EIF2D: variants seen among roughly 807,000 people sequenced by gnomAD.
The protein encoded by EIF2D is hepatocellular carcinoma-associated antigen 56.
Under a neutral mutation model 77.4 loss-of-function variants are expected in EIF2D, and 56 were observed. The ratio of observed to expected loss-of-function variants is 0.72; its 90% CI spans 0.58 to 0.90. The LOEUF is 0.90. Among genes scored for constraint, EIF2D ranks in the 40% least tolerant of loss-of-function variants. The pLI is 0.00. For synonymous variants in EIF2D, 230 were observed against 271.0 expected (o/e 0.85, Z 1.49); for missense variants, 574 against 706.5 (o/e 0.81, Z 2.13).
chr1:206,596,500 G>A (rs534303960), intron 12 of EIF2D, among the ~76,000 whole-genome samples: 2 of 152,224 alleles, frequency 1.3e-5, no homozygotes, highest in African/African-American at 2.4e-5. Context: ...GGCCAGATTT[G>A]ACCCATGGGC....
chr1:206,589,521 C>CTGAT (rs1428629604), downstream of EIF2D: 2 of 152,168 alleles, frequency 1.3e-5, no homozygotes, highest in Non-Finnish European at 2.9e-5. Context: ...GTCAAGGAGA[C>CTGAT]TGATTGCAGG....
At position 206,599,883 on chromosome 1, in the gene EIF2D, A is replaced by G; in HGVS notation, c.949-47T>C. Reference sequence around the variant, plus strand: ...GTAGGGGACTTCATTGATTCCACACACATACTGAGCACCCAGGATGTGCCA... The same window carrying G: ...GTAGGGGACTTCATTGATTCCACACGCATACTGAGCACCCAGGATGTGCCA... On this transcript the variant is annotated intron_variant, in intron 8 of 14. Coordinates refer to ENST00000271764, the MANE Select transcript of EIF2D (RefSeq NM_006893.3). This position sits in a 1 kb window ranked among gnomAD's most constrained non-coding sequence, Gnocchi z 4.1. The G allele has an allele frequency of 6.4e-7, 1 of 1,562,814 alleles. No individual in the cohort carries two copies. Among genetic ancestry groups the G allele is most frequent in the Non-Finnish European group, 8.8e-7 (1 of 1,135,864 alleles).
intron 5 of EIF2D, among the ~76,000 whole-genome samples, chr1:206,572,269 A>G (rs1428126310): frequency 6.6e-6 from 1 of 152,100 alleles, no homozygotes; most frequent in Non-Finnish European, 1.5e-5. Flanking sequence ...CTGTTCTGGG[A>G]GCCGCCTCAG....
rs781901433 is a variant in EIF2D, at chr1:206,611,252, G to A, written c.179C>T (p.Ala60Val). The change falls in exon 2 of 15, where the codon GCA becomes GTA. Residue 60 changes from alanine (A) to valine (V), a missense_variant. Ala to Val is a moderately conservative substitution (Grantham distance 64, BLOSUM62 0). Transcript: ENST00000271764. ...ACCACCACTCACGTACACAGTCACT[G>A]CATCCCCTTTGTGAGCATACAACTT... ...IVKLYAHKGD[A>V]VTVYVSGGNP... 1 of 1,614,182 alleles carries A rather than the reference G, an allele frequency of 6.2e-7. No homozygotes were observed. Among genetic ancestry groups the A allele is most frequent in the Non-Finnish European group, 8.5e-7 (1 of 1,180,042 alleles).
intron 3 of EIF2D, among the ~76,000 whole-genome samples, chr1:206,608,567 C>T (rs1670312351): frequency 6.6e-6 from 1 of 152,180 alleles, no homozygotes; most frequent in African/African-American, 2.4e-5. Context: ...CCTTAGGGGG[C>T]TAAAGGTCAA....
At chr1:206,575,399 G>A (rs978688700) in intron 4 of EIF2D, among the ~76,000 whole-genome samples, 6 of 152,174 alleles carry the variant, frequency 3.9e-5, no homozygotes, top group South Asian at 2.1e-4. Context: ...AATGGCTTCC[G>A]GGGTATTTTT....
At chr1:206,576,130 G>A (rs1668648527) in intron 4 of EIF2D, among the ~76,000 whole-genome samples, 2 of 152,222 alleles carry the variant, frequency 1.3e-5, no homozygotes, top group African/African-American at 4.8e-5. Flanking sequence ...GGGGAGATGG[G>A]ATTAACATGT....
chr1:206,583,355 G>A (rs61759872), intron 2 of EIF2D: 348 of 1,613,126 alleles, frequency 2.2e-4, no homozygotes, highest in Admixed American at 3.0e-4. Flanking sequence ...ACACGCGAGA[G>A]AAGAACTGCC....
At chr1:206,572,332 C>T (rs1553404342) in intron 5 of EIF2D, among the ~76,000 whole-genome samples, 1 of 152,152 alleles carries the variant, frequency 6.6e-6, no homozygotes, top group East Asian at 1.9e-4. Context: ...ATAGCCCACA[C>T]AGTTGTGTCC....
chr1:206,605,648 ACT>A (rs1572408940), intron 4 of EIF2D, 141 bp from the exon 5 acceptor site: 1 of 635,850 alleles, frequency 1.6e-6, no homozygotes, highest in South Asian at 2.0e-5. Context: ...AACTCAGTCC[ACT>A]CTCAGTTTTC....
chr1:206,586,469 T>A, intron 2 of EIF2D: 1 of 219,458 alleles, frequency 4.6e-6, no homozygotes, highest in Non-Finnish European at 9.1e-6. Context: ...GAGTCCACGT[T>A]CCACTCCTCC....
intron 13 of EIF2D, chr1:206,594,035 A>G (rs1240979586): frequency 6.0e-6 from 2 of 335,696 alleles, no homozygotes; most frequent in Non-Finnish European, 5.4e-6. Context: ...TATCACACAG[A>G]ATGTCTACTT....
At position 206,596,936 on chromosome 1, in the gene EIF2D, C is replaced by CT. The variant is rs1410377531; in HGVS notation, c.1388+163_1388+164insA. 2.0e-5 allele frequency among the ~76,000 whole-genome samples: 3 copies of CT among 151,876 alleles called. No homozygotes were observed. In the South Asian group the frequency reaches 6.3e-4, roughly 32 times the overall value. ...TATTGGCTCAAATTGTTCCAAAGAC[C>CT]CCCCAAATCAGAGTTCCTCAAGCCT... On this transcript the variant is annotated intron_variant, in intron 12 of 14. Coordinates refer to ENST00000271764, the MANE Select transcript of EIF2D (RefSeq NM_006893.3).
At chr1:206,597,011 C>T (rs1669679263) in intron 12 of EIF2D, 89 bp downstream of exon 12, 2 of 983,066 alleles carry the variant, frequency 2.0e-6, no homozygotes, top group Middle Eastern at 4.2e-4. Context: ...AAATCAAAGG[C>T]TAAGATAGTG....
intron 2 of EIF2D, among the ~76,000 whole-genome samples, chr1:206,581,921 G>A (rs562591367): frequency 1.3e-5 from 2 of 152,122 alleles, no homozygotes; most frequent in Admixed American, 6.6e-5. Flanking sequence ...GTGATGTGAC[G>A]TCGCGGCAGC....
Position 206,611,232 on chromosome 1 carries a change from C to T in EIF2D, c.199G>A (p.Gly67Ser). Residue 67 changes from glycine (G) to serine (S), a missense_variant, in exon 2 of 15, where the codon GGT becomes AGT. Coordinates refer to ENST00000271764, the MANE Select transcript of EIF2D (RefSeq NM_006893.3). ...AGTTCAAAGAGGATGGGGTTACCAC[C>T]ACTCACGTACACAGTCACTGCATCC... The part of the protein sequence containing the change: ...KGDAVTVYVS[G>S]GNPILFELEK... 2 of 1,614,158 alleles carry T rather than the reference C, an allele frequency of 1.2e-6. No homozygotes were observed. Among genetic ancestry groups the T allele is most frequent in the Non-Finnish European group, 1.7e-6 (2 of 1,180,018 alleles).
At chr1:206,571,017 C>T (rs1572350510), downstream of EIF2D, among the ~76,000 whole-genome samples, 2 of 152,154 alleles carry the variant, frequency 1.3e-5, no homozygotes, top group South Asian at 4.1e-4. Flanking sequence ...ATACCATTTT[C>T]CACAGTGACT....
chr1:206,591,043 G>A (rs995292392), downstream of EIF2D, among the ~76,000 whole-genome samples: 4 of 152,146 alleles, frequency 2.6e-5, no homozygotes, highest in African/African-American at 9.7e-5. Flanking sequence ...ACCATTTCAG[G>A]GAGTTCATGG....
intron 2 of EIF2D, among the ~76,000 whole-genome samples, chr1:206,609,732 A>G (rs1341669864): frequency 6.6e-6 from 1 of 152,224 alleles, no homozygotes; most frequent in African/African-American, 2.4e-5. Context: ...CAGAGAACCA[A>G]TGAAGCTTTT....
Sources: gnomAD v4.1 joint callset for allele counts (sites outside exome capture counted in the v4.1 genomes callset) on GRCh38, gnomAD v4.1.1 for gene constraint, Gnocchi (gnomAD v3.1) non-coding constraint, MANE v1.5 for transcripts, NCBI Gene and HGNC (gene_info 2026-07-23, HGNC 2026-07-21) for gene names.